SCFD2: variants seen among roughly 807,000 people sequenced by gnomAD.
SCFD2 encodes the protein sec1 family domain containing 2.
Under a neutral mutation model 58.9 loss-of-function variants are expected in SCFD2, and 54 were observed. The ratio of observed to expected loss-of-function variants is 0.92; its 90% CI spans 0.74 to 1.15. The LOEUF (loss-of-function observed/expected upper bound fraction) is 1.15, where lower values mean the gene tolerates loss of function less well. Ranked by LOEUF, SCFD2 falls within the 50% of genes most tolerant of loss-of-function variation. SCFD2 has a pLI of 0.00. For synonymous variants in SCFD2, 321 were observed against 335.9 expected (o/e 0.96, Z 0.49); for missense variants, 805 against 836.6 (o/e 0.96, Z 0.47).
At chr4:52,931,145 G>T (rs1719984530) in intron 5 of SCFD2, among the ~76,000 whole-genome samples, 1 of 152,146 alleles carries the variant, frequency 6.6e-6, no homozygotes, top group African/African-American at 2.4e-5. Flanking sequence ...CTTCCTAAAA[G>T]GTGGATTGTT....
intron 4 of SCFD2, among the ~76,000 whole-genome samples, chr4:53,256,055 C>A (rs1440844114): frequency 6.7e-6 from 1 of 148,484 alleles, no homozygotes; most frequent in Non-Finnish European, 1.5e-5. Context: ...GGCGGCTGGC[C>A]TGGTGGGGGC....
chr4:53,278,068 A>C (rs2054588), intron 3 of SCFD2, among the ~76,000 whole-genome samples: 108,989 of 150,160 alleles, frequency 0.73, 39,608 homozygotes, highest in Middle Eastern at 0.82. Flanking sequence ...AAAAACAAAA[A>C]AAAAAAAAAC....
chr4:52,952,204 C>T (rs1720610782), intron 5 of SCFD2, among the ~76,000 whole-genome samples: 1 of 151,914 alleles, frequency 6.6e-6, no homozygotes, highest in Non-Finnish European at 1.5e-5. Context: ...AAGCCACTCC[C>T]TACCATATCC....
chr4:53,212,522 C>A (rs1728649032), intron 4 of SCFD2, among the ~76,000 whole-genome samples: 1 of 148,390 alleles, frequency 6.7e-6, no homozygotes. Flanking sequence ...AACAAAGAAC[C>A]CACACAATAT....
intron 5 of SCFD2, chr4:52,948,182 C>T (rs767767138): frequency 4.7e-4 from 96 of 204,410 alleles, no homozygotes; most frequent in Non-Finnish European, 7.8e-4. Context: ...AGGGATTAAA[C>T]GAGATAAAGG....
intron 5 of SCFD2, among the ~76,000 whole-genome samples, chr4:52,996,887 T>C (rs1421159959): frequency 6.6e-6 from 1 of 152,232 alleles, no homozygotes; most frequent in African/African-American, 2.4e-5. Flanking sequence ...GTGCTTCTAT[T>C]GGAAACACCA....
intron 4 of SCFD2, among the ~76,000 whole-genome samples, chr4:53,148,133 G>C (rs1447762931): frequency 6.6e-6 from 1 of 151,868 alleles, no homozygotes; most frequent in Non-Finnish European, 1.5e-5. Context: ...ATCCTACAGG[G>C]GCCCTCTGGG....
chr4:53,317,837 T>C (rs1198077698), intron 2 of SCFD2, among the ~76,000 whole-genome samples: 1 of 152,196 alleles, frequency 6.6e-6, no homozygotes, highest in Non-Finnish European at 1.5e-5. Flanking sequence ...ACATATTCAG[T>C]AAGCTGTTAT....
intron 5 of SCFD2, among the ~76,000 whole-genome samples, chr4:52,939,732 A>C (rs1469059103): frequency 6.6e-6 from 1 of 151,534 alleles, no homozygotes; most frequent in Non-Finnish European, 1.5e-5. Context: ...AAGAAAGAAA[A>C]AATGAAAAAA....
At chr4:52,874,525 T>C (rs1339040821) in intron 8 of SCFD2, among the ~76,000 whole-genome samples, 1 of 152,214 alleles carries the variant, frequency 6.6e-6, no homozygotes, top group Admixed American at 6.5e-5. Context: ...TTAGTGATGA[T>C]GGTGATTGTT....
intron 4 of SCFD2, among the ~76,000 whole-genome samples, chr4:53,272,566 C>G (rs1731205828): frequency 6.6e-6 from 1 of 152,042 alleles, no homozygotes; most frequent in Admixed American, 6.5e-5. Context: ...ATGGATGAAG[C>G]TGGAAACCAT....
At chr4:52,959,030 G>A (rs1720779555) in intron 5 of SCFD2, among the ~76,000 whole-genome samples, 1 of 152,218 alleles carries the variant, frequency 6.6e-6, no homozygotes, top group East Asian at 1.9e-4. Context: ...CTAAGGCTTA[G>A]AGAGGAAAAG....
intron 4 of SCFD2, among the ~76,000 whole-genome samples, chr4:53,229,707 A>G (rs1411532956): frequency 1.3e-5 from 2 of 152,240 alleles, no homozygotes; most frequent in African/African-American, 4.8e-5. Flanking sequence ...GGACATAGGC[A>G]TGGGCAAGGA....
intron 2 of SCFD2, among the ~76,000 whole-genome samples, chr4:53,315,048 C>A (rs1302407135): frequency 2.6e-5 from 4 of 151,864 alleles, no homozygotes; most frequent in Admixed American, 2.6e-4. Context: ...GATACAAAAG[C>A]AAATAAATTA....
chr4:53,069,564 A>G (rs1217532400), intron 5 of SCFD2, among the ~76,000 whole-genome samples: 1 of 152,078 alleles, frequency 6.6e-6, no homozygotes, highest in African/African-American at 2.4e-5. Context: ...TTTTTAGATG[A>G]TAGAACTCTG....
chr4:53,332,330 T>C (rs968072558), intron 2 of SCFD2, among the ~76,000 whole-genome samples: 10 of 151,736 alleles, frequency 6.6e-5, no homozygotes, highest in Admixed American at 4.6e-4. Context: ...TTGATGAACA[T>C]TGATGCAAAA....
intron 6 of SCFD2, among the ~76,000 whole-genome samples, chr4:52,920,498 G>A (rs1249811556): frequency 6.6e-6 from 1 of 152,134 alleles, no homozygotes; most frequent in Admixed American, 6.5e-5. Context: ...AGCCATGGCT[G>A]ACTCCCAACT....
intron 5 of SCFD2, among the ~76,000 whole-genome samples, chr4:52,947,699 A>G (rs1720469649): frequency 6.6e-6 from 1 of 151,990 alleles, no homozygotes; most frequent in South Asian, 2.1e-4. Context: ...TACTTAGCAA[A>G]TGGTGTTCGC....
intron 5 of SCFD2, among the ~76,000 whole-genome samples, chr4:52,921,333 A>G (rs1719730120): frequency 6.6e-6 from 1 of 152,204 alleles, no homozygotes. Flanking sequence ...ATGCACTAAC[A>G]AAGCACGTGG....
Sources: allele counts gnomAD v4.1 joint callset (sites outside exome capture counted in the v4.1 genomes callset), GRCh38; gene constraint gnomAD v4.1.1; transcripts MANE v1.5; gene names NCBI Gene and HGNC (gene_info 2026-07-23, HGNC 2026-07-21).